The following LOX variants were observed in gnomAD, a reference collection of about 807,000 sequenced individuals.
LOX encodes protein-lysine 6-oxidase.
LOX carries 12 observed loss-of-function variants against 50.5 expected under a neutral mutation model. The ratio of observed to expected loss-of-function variants is 0.24; its 90% CI spans 0.15 to 0.38. LOX has a LOEUF of 0.38. LOX is among the 10% of genes least tolerant of loss of function. The pLI, the probability that LOX is intolerant of heterozygous loss-of-function variation, is 1.00. For synonymous variants in LOX, 254 were observed against 230.6 expected (o/e 1.10, Z -0.92); for missense variants, 504 against 563.8 (o/e 0.89, Z 1.07).
In LOX at chr5:122,077,070, C is replaced by A. The variant is rs1294203641; in HGVS notation, c.632-69G>T. Reference sequence around the variant, plus strand: ...CGCCCCCCGCTCCAACTCCCTACCCCTCTAGGTCCCTTACTCCTCACCCTT... The same window carrying A: ...CGCCCCCCGCTCCAACTCCCTACCCATCTAGGTCCCTTACTCCTCACCCTT... On this transcript the variant is annotated intron_variant, in intron 1 of 6. Transcript: ENST00000231004. This position sits in a 1 kb window ranked among gnomAD's most constrained non-coding sequence, Gnocchi z 4.9. 2.5e-6 allele frequency: 4 copies of A among 1,585,180 alleles called. No individual in the cohort carries two copies. Among genetic ancestry groups the A allele is most frequent in the Admixed American group, 1.7e-5 (1 of 57,470 alleles).
Position 122,077,362 on chromosome 5 carries a change from G to A in LOX, c.624C>T (p.Phe208=), listed in dbSNP as rs1371527381. ...RYRPGYGTGY[F]QYGLPDLVAD... ...GGACTTGGGGGTACTTACCGTACTG[G>A]AAGTAGCCAGTGCCGTATCCGGGCC... The change falls in exon 1 of 7, where the codon TTC becomes TTT. Residue 208 remains phenylalanine (F), a synonymous_variant. Coordinates refer to ENST00000231004, the MANE Select transcript of LOX (RefSeq NM_002317.7). This position sits in a 1 kb window ranked among gnomAD's most constrained non-coding sequence, Gnocchi z 4.9. 1 of 1,613,714 alleles carries A rather than the reference G, an allele frequency of 6.2e-7. No individual in the cohort carries two copies. The highest frequency in any genetic ancestry group is 8.5e-7 in the Non-Finnish European group (1 of 1,179,998).
At position 122,077,467 on chromosome 5, in the gene LOX, G is replaced by A; in HGVS notation, c.519C>T (p.Asn173=). The A allele has an allele frequency of 6.2e-7, 1 of 1,614,094 alleles. No individual in the cohort carries two copies. Among genetic ancestry groups the A allele is most frequent in the Non-Finnish European group, 8.5e-7 (1 of 1,180,014 alleles). Residue 173 remains asparagine, a synonymous_variant, in exon 1 of 7, where the codon AAC becomes AAT. Coordinates refer to ENST00000231004, the MANE Select transcript of LOX (RefSeq NM_002317.7). The surrounding 1 kb of genome is among the most constrained non-coding windows in gnomAD (Gnocchi z 4.9). ...VDGMVGDDPY[N]PYKYSDDNPY... Reference sequence around the variant, plus strand: ...GGTTGTCGTCAGAGTACTTGTAGGGGTTGTAAGGGTCGTCGCCCACCATGC... The same window carrying A: ...GGTTGTCGTCAGAGTACTTGTAGGGATTGTAAGGGTCGTCGCCCACCATGC...
rs763441085 is a variant in LOX at position 122,074,149 on chromosome 5, T to C, written c.899A>G (p.Glu300Gly). ...ATCAAGCAGGTCATAGTGGCTAAAC[T>C]CATCCATACTGTGGTAATGTCTGAT... ...SCHQHYHSMD[E>G]FSHYDLLDAN... Residue 300 changes from glutamate to glycine, a missense_variant, in exon 4 of 7, where the codon GAG becomes GGG. Glu to Gly is a moderately conservative substitution (Grantham distance 98). Coordinates refer to ENST00000231004, the MANE Select transcript of LOX (RefSeq NM_002317.7). 1.2e-6 allele frequency: 2 copies of C among 1,614,102 alleles called. No homozygotes were observed. The highest frequency in any genetic ancestry group is 3.3e-5 in the Admixed American group (2 of 60,026).
At chr5:122,070,228 T>C in intron 5 of LOX, 60 bp from the exon 6 acceptor site, 1 of 961,248 alleles carries the variant, frequency 1.0e-6, no homozygotes, top group Non-Finnish European at 1.7e-6. Flanking sequence ...ATAAGGAAAT[T>C]GTTAATGAGG....
chr5:122,070,473 T>A, intron 5 of LOX, 21 bp downstream of exon 5: 1 of 1,317,352 alleles, frequency 7.6e-7, no homozygotes, highest in South Asian at 1.2e-5. Flanking sequence ...CAATATATGA[T>A]ATATTTTCAA....
rs1348387732 is a variant in LOX at position 122,064,650 on chromosome 5, AAAATG to A, written c.*2088_*2092del. ...CATAGACATGTAATTTTATTCCCTA[AAAATG>A]AAATAAGATGAACCTTATGGGTAAT... is the stretch of plus-strand genomic sequence containing the variant. On this transcript the variant is annotated 3_prime_UTR_variant, in exon 7 of 7. Transcript: ENST00000231004. The A allele has an allele frequency of 9.9e-5, 15 of 152,122 alleles. No individual in the cohort carries two copies. The highest frequency in any genetic ancestry group is 2.4e-4 in the African/African-American group (10 of 41,530). The allele number at this position is 152,122 out of a possible 1,614,324, so 9.4% of individuals were successfully genotyped here. A position where few individuals can be genotyped will look rare whatever the true frequency, so the allele number is the denominator to read the frequency against.
At chr5:122,072,678 A>C (rs934162429) in intron 4 of LOX, among the ~76,000 whole-genome samples, 8 of 152,216 alleles carry the variant, frequency 5.3e-5, no homozygotes, top group Non-Finnish European at 8.8e-5. Context: ...TGAAAAAAAC[A>C]AATATATAAA....
rs377452065 is a variant in LOX, at chr5:122,075,676, G to A, written c.741-135C>T. 5.9e-5 allele frequency: 33 copies of A among 559,922 alleles called. No homozygotes were observed. The South Asian group carries it at 1.3e-3, about 22-fold the overall frequency. The allele number at this position is 559,922 out of a possible 1,614,324, so 34.7% of individuals were successfully genotyped here. A position where few individuals can be genotyped will look rare whatever the true frequency, so the allele number is the denominator to read the frequency against. ...AGACTATCAGTTCCAAGAGTCTAAG[G>A]CATTTTGTTTCTTTTTGTTCATTGC... On this transcript the variant is annotated intron_variant, in intron 2 of 6. Coordinates refer to ENST00000231004, the MANE Select transcript of LOX (RefSeq NM_002317.7).
rs1289847903 is a variant in LOX, at chr5:122,065,838, T to G, written c.*905A>C. The G allele has an allele frequency of 6.6e-6, 1 of 152,112 alleles. No individual in the cohort carries two copies. The highest frequency in any genetic ancestry group is 2.4e-5 in the African/African-American group (1 of 41,448). 9.4% of individuals were successfully genotyped at this position (152,112 alleles called of 1,614,324 possible). A position where few individuals can be genotyped will look rare whatever the true frequency, so the allele number is the denominator to read the frequency against. On this transcript the variant is annotated 3_prime_UTR_variant, in exon 7 of 7. Coordinates refer to ENST00000231004, the MANE Select transcript of LOX (RefSeq NM_002317.7). Reference sequence around the variant, plus strand: ...TTTATGTCAGCAAGAAAATTGTATCTTTGGCAAATACTTTAATATGTTTAA... The same window carrying G: ...TTTATGTCAGCAAGAAAATTGTATCGTTGGCAAATACTTTAATATGTTTAA...
Position 122,078,105 on chromosome 5 carries a change from G to C in LOX, c.-120C>G. 2 of 949,006 alleles carry C rather than the reference G, an allele frequency of 2.1e-6. No homozygotes were observed. The highest frequency in any genetic ancestry group is 4.9e-5 in the South Asian group (2 of 40,754). The allele number at this position is 949,006 out of a possible 1,614,324, so 58.8% of individuals were successfully genotyped here. On this transcript the variant is annotated 5_prime_UTR_variant, in exon 1 of 7. Coordinates refer to ENST00000231004, the MANE Select transcript of LOX (RefSeq NM_002317.7). ...AACCAAGGAGGCGAGCGGAGCACGGGTATCTCAGTCTCCACCAAGCAATGC... is the reference window on the plus strand; with the variant it reads ...AACCAAGGAGGCGAGCGGAGCACGGCTATCTCAGTCTCCACCAAGCAATGC...
chr5:122,077,154 A>C lies in LOX; in HGVS notation c.632-153T>G. 1 of 1,465,068 alleles carries C rather than the reference A, an allele frequency of 6.8e-7. No homozygotes were observed. Among genetic ancestry groups the C allele is most frequent in the Non-Finnish European group, 9.0e-7 (1 of 1,114,394 alleles). The allele number at this position is 1,465,068 out of a possible 1,614,324, so 90.8% of individuals were successfully genotyped here. A position where few individuals can be genotyped will look rare whatever the true frequency, so the allele number is the denominator to read the frequency against. On this transcript the variant is annotated intron_variant, in intron 1 of 6. Transcript: ENST00000231004. This position sits in a 1 kb window ranked among gnomAD's most constrained non-coding sequence, Gnocchi z 4.9. ...AGCAAGAGAACTGGGGACGCCCGGG[A>C]CTGCAAAGCAATGTGAAAAGGAAGC...
In LOX at chr5:122,078,013, C is replaced by A; in HGVS notation, c.-28G>T. Reference sequence around the variant, plus strand: ...CTCCTTTTGCCAGATTGACCCCGCTCGAGGAGGACGTGGCTCACAGAAAAT... The same window carrying A: ...CTCCTTTTGCCAGATTGACCCCGCTAGAGGAGGACGTGGCTCACAGAAAAT... On this transcript the variant is annotated 5_prime_UTR_variant, in exon 1 of 7. Transcript: ENST00000231004. The A allele has an allele frequency of 7.0e-7, 1 of 1,436,082 alleles. No homozygotes were observed. The highest frequency in any genetic ancestry group is 1.6e-5 in the South Asian group (1 of 60,976). The allele number at this position is 1,436,082 out of a possible 1,614,324, so 89.0% of individuals were successfully genotyped here.
In LOX at chr5:122,064,502, C is replaced by T. The variant is rs992628225; in HGVS notation, c.*2241G>A. On this transcript the variant is annotated 3_prime_UTR_variant, in exon 7 of 7. Transcript: ENST00000231004. ...GTAGGTGTTATATTTAAAAGGCAGA[C>T]ATTTCAGGGATTGAACACATTTTTA... 6.6e-6 allele frequency: 1 copy of T among 151,268 alleles called. No homozygotes were observed. The highest frequency in any genetic ancestry group is 1.5e-5 in the Non-Finnish European group (1 of 67,768). 9.4% of individuals were successfully genotyped at this position (151,268 alleles called of 1,614,324 possible).
chr5:122,066,815 C>A (rs1408832970), intron 6 of LOX, 66 bp from the exon 7 acceptor site: 9 of 1,006,470 alleles, frequency 8.9e-6, no homozygotes, highest in African/African-American at 3.2e-5. Flanking sequence ...GTACAACAGA[C>A]AAATTTAAAG....
intron 6 of LOX, among the ~76,000 whole-genome samples, chr5:122,068,016 T>C (rs1293566858): frequency 1.3e-5 from 2 of 151,996 alleles, no homozygotes; most frequent in Non-Finnish European, 2.9e-5. Context: ...TCTCAAATAT[T>C]CTATACTTTC....
In LOX at chr5:122,066,669, C is replaced by T. The variant is rs376692684; in HGVS notation, c.*74G>A. The T allele has an allele frequency of 4.0e-5, 48 of 1,200,146 alleles. No homozygotes were observed. The African/African-American group carries it at 6.1e-4, about 15-fold the overall frequency. The allele number at this position is 1,200,146 out of a possible 1,614,324, so 74.3% of individuals were successfully genotyped here. A position where few individuals can be genotyped will look rare whatever the true frequency, so the allele number is the denominator to read the frequency against. ...TCTTTTTCAAAATACATAAATCCTA[C>T]TGAAGTTAGTCTATTTTTTCCCACT... On this transcript the variant is annotated 3_prime_UTR_variant, in exon 7 of 7. Transcript: ENST00000231004.
In LOX at chr5:122,064,280, G is replaced by C. The variant is rs1273144840; in HGVS notation, c.*2463C>G. 1 of 151,274 alleles carries C rather than the reference G, an allele frequency of 6.6e-6. No individual in the cohort carries two copies. The highest frequency in any genetic ancestry group is 2.4e-5 in the African/African-American group (1 of 41,158). 9.4% of individuals were successfully genotyped at this position (151,274 alleles called of 1,614,324 possible). On this transcript the variant is annotated 3_prime_UTR_variant, in exon 7 of 7. Coordinates refer to ENST00000231004, the MANE Select transcript of LOX (RefSeq NM_002317.7). Reference sequence around the variant, plus strand: ...CAACTAATTATTATCTTTGAGTTTCGGCAGTTATTCAGAGAAGAGATTCAA... The same window carrying C: ...CAACTAATTATTATCTTTGAGTTTCCGCAGTTATTCAGAGAAGAGATTCAA...
chr5:122,077,274 G>C lies in LOX; in HGVS notation c.631+81C>G. On this transcript the variant is annotated intron_variant, in intron 1 of 6. Transcript: ENST00000231004. This position sits in a 1 kb window ranked among gnomAD's most constrained non-coding sequence, Gnocchi z 4.9. The stretch of plus-strand genomic sequence containing the variant: ...GGATCTGCGAGGACCGGGGCCCGCC[G>C]CGCCCAGGCAGCCACGTCGAGAAGC... The C allele has an allele frequency of 6.3e-7, 1 of 1,583,136 alleles. No homozygotes were observed. The highest frequency in any genetic ancestry group is 8.6e-7 in the Non-Finnish European group (1 of 1,165,688).
At position 122,077,448 on chromosome 5, in the gene LOX, C is replaced by G; in HGVS notation, c.538G>C (p.Asp180His). 6.2e-7 allele frequency: 1 copy of G among 1,614,102 alleles called. No homozygotes were observed. Residue 180 changes from aspartate to histidine, a missense_variant, in exon 1 of 7, where the codon GAC becomes CAC. By Grantham distance (81) the Asp-to-His change is moderately conservative. Around this residue, in one of 2 missense-constraint regions of LOX, gnomAD observed 398 missense variants for 365.8 expected, o/e 1.09. Transcript: ENST00000231004. This position sits in a 1 kb window ranked among gnomAD's most constrained non-coding sequence, Gnocchi z 4.9. ...DPYNPYKYSDDNPYYNYYDTY... is the reference protein window; with the variant it reads ...DPYNPYKYSDHNPYYNYYDTY... The stretch of plus-strand genomic sequence containing the variant: ...TCGTAGTAGTTGTAATAAGGGTTGT[C>G]GTCAGAGTACTTGTAGGGGTTGTAA...
Sources: gnomAD v4.1 joint callset for allele counts (sites outside exome capture counted in the v4.1 genomes callset) on GRCh38, gnomAD v4.1.1 for gene constraint, gnomAD v4.1.1 regional missense constraint, Gnocchi (gnomAD v3.1) non-coding constraint, MANE v1.5 for transcripts, NCBI Gene and HGNC (gene_info 2026-07-23, HGNC 2026-07-21) for gene names.